GRID2: variants seen among roughly 807,000 people sequenced by gnomAD.
GRID2 encodes glutamate ionotropic receptor delta type subunit 2, also known as glutamate receptor ionotropic, delta-2.
A neutral mutation model predicts 114.8 loss-of-function variants in GRID2; 33 were observed. The observed-to-expected ratio is 0.29, with a 90% CI of 0.22 to 0.38. GRID2 has a LOEUF of 0.38. Among genes scored for constraint, GRID2 ranks in the 10% least tolerant of loss-of-function variants. The pLI is 1.00. For synonymous variants in GRID2, 505 were observed against 449.9 expected, an observed-to-expected ratio of 1.12 and a Z score of -1.55; for missense variants, 1,184 against 1,257.7, an observed-to-expected ratio of 0.94 and a Z score of 0.89.
chr4:93,368,063 A>T (rs1762510610), intron 8 of GRID2, among the ~76,000 whole-genome samples: 1 of 152,130 alleles, frequency 6.6e-6, no homozygotes, highest in Non-Finnish European at 1.5e-5. Flanking sequence ...ATGAAGTATC[A>T]ATGCTTAAAG....
At chr4:93,245,530 A>G (rs1052084869) in intron 8 of GRID2, among the ~76,000 whole-genome samples, 1 of 152,206 alleles carries the variant, frequency 6.6e-6, no homozygotes, top group Non-Finnish European at 1.5e-5. Flanking sequence ...TATTCCAAGC[A>G]AAATGGAAAT....
intron 1 of GRID2, among the ~76,000 whole-genome samples, chr4:92,418,873 G>C (rs1437947398): frequency 6.6e-6 from 1 of 151,930 alleles, no homozygotes; most frequent in Non-Finnish European, 1.5e-5. Context: ...ATAATAACAT[G>C]TTGGCCTTTA....
At chr4:93,225,108 C>G (rs1275050366) in intron 7 of GRID2, among the ~76,000 whole-genome samples, 1 of 152,110 alleles carries the variant, frequency 6.6e-6, no homozygotes, top group African/African-American at 2.4e-5. Flanking sequence ...ACGCCATCCA[C>G]TAAAAAAATT....
chr4:92,606,720 A>C (rs936159211), intron 2 of GRID2, among the ~76,000 whole-genome samples: 1 of 151,918 alleles, frequency 6.6e-6, no homozygotes, highest in Non-Finnish European at 1.5e-5. Context: ...TAACCCATTG[A>C]AAAAGAAGCC....
intron 4 of GRID2, among the ~76,000 whole-genome samples, chr4:93,205,115 T>G (rs1181252421): frequency 6.6e-6 from 1 of 152,152 alleles, no homozygotes; most frequent in Non-Finnish European, 1.5e-5. Context: ...TTCTGTTACT[T>G]TTTATTGTTA....
At chr4:93,546,999 TGCCG>T (rs1733285530) in intron 13 of GRID2, among the ~76,000 whole-genome samples, 1 of 152,150 alleles carries the variant, frequency 6.6e-6, no homozygotes, top group Non-Finnish European at 1.5e-5. Flanking sequence ...TTTCTAATTT[TGCCG>T]TCAACAAAGC....
intron 2 of GRID2, among the ~76,000 whole-genome samples, chr4:92,926,029 A>G (rs1484619413): frequency 2.0e-5 from 3 of 152,052 alleles, no homozygotes; most frequent in Non-Finnish European, 4.4e-5. Context: ...TGCAACATCA[A>G]CAGTTGTCTG....
Position 93,625,040 on chromosome 4 carries a change from A to ATTAATTTAGAAGGACACAGGACAGTG in GRID2, c.2194-1205_2194-1204insTGTTAATTTAGAAGGACACAGGACAG, listed in dbSNP as rs1294820083. ...ATCCATAGGCCACATGTGACAATAG[A>ATTAATTTAGAAGGACACAGGACAGTG]TTAATTTAGAAGGACACAGGACAGG... On this transcript the variant is annotated intron_variant, in intron 13 of 15. Transcript: ENST00000282020. Among the ~76,000 whole-genome samples, 6 of 152,356 alleles carry ATTAATTTAGAAGGACACAGGACAGTG rather than the reference A, an allele frequency of 3.9e-5. No homozygotes were observed. In the East Asian group the frequency reaches 1.2e-3, roughly 29 times the overall value.
chr4:92,787,882 G>C (rs868842117), intron 2 of GRID2, among the ~76,000 whole-genome samples: 2 of 151,796 alleles, frequency 1.3e-5, no homozygotes, highest in Non-Finnish European at 2.9e-5. Flanking sequence ...AGTGTCATCA[G>C]GATTGTCTGA....
chr4:93,696,420 ACT>A (rs1160775799), intron 14 of GRID2, among the ~76,000 whole-genome samples: 1 of 151,914 alleles, frequency 6.6e-6, no homozygotes, highest in Non-Finnish European at 1.5e-5. Context: ...CTCACTCAAT[ACT>A]CTCTTTCCAG....
In GRID2 at chr4:93,178,380, ATTTTTTTT is replaced by A. The variant is rs11428288; in HGVS notation, c.736-29001_736-28994del. Among the ~76,000 whole-genome samples the A allele has an allele frequency of 7.0e-4, 35 of 50,330 alleles. No individual in the cohort carries two copies. In the East Asian group the frequency reaches 8.3e-3, roughly 12 times the overall value. 33.0% of individuals were successfully genotyped at this position (50,330 alleles called of 152,430 possible). The stretch of plus-strand genomic sequence containing the variant: ...CTTATATTGTTTTCCTTGAAAATAG[ATTTTTTTT>A]TTTTTTTTTTTTTTTTTTTTTTCCA... On this transcript the variant is annotated intron_variant, in intron 4 of 15. Coordinates refer to ENST00000282020, the MANE Select transcript of GRID2 (RefSeq NM_001510.4).
chr4:93,673,025 A>G (rs574614419), intron 14 of GRID2, among the ~76,000 whole-genome samples: 1 of 152,300 alleles, frequency 6.6e-6, no homozygotes, highest in South Asian at 2.1e-4. Flanking sequence ...TCAGCGGTAG[A>G]ACCAATTTAA....
intron 14 of GRID2, among the ~76,000 whole-genome samples, chr4:93,651,172 T>C (rs1722547579): frequency 1.3e-5 from 2 of 152,334 alleles, no homozygotes; most frequent in East Asian, 1.9e-4. Flanking sequence ...GAGTTTCTCA[T>C]ATCTTTTGTC....
At chr4:93,533,354 CCCTT>C (rs1401360085) in intron 13 of GRID2, among the ~76,000 whole-genome samples, 2 of 132,694 alleles carry the variant, frequency 1.5e-5, no homozygotes, top group Non-Finnish European at 3.2e-5. Flanking sequence ...CTCCCTCCCT[CCCTT>C]CCTTACTTCT....
At chr4:92,723,617 T>A (rs1269091807) in intron 2 of GRID2, among the ~76,000 whole-genome samples, 1 of 152,164 alleles carries the variant, frequency 6.6e-6, no homozygotes, top group Non-Finnish European at 1.5e-5. Context: ...ACTTCTTTAT[T>A]TTAAAAAGAA....
intron 13 of GRID2, among the ~76,000 whole-genome samples, chr4:93,542,299 A>G (rs530335764): frequency 1.4e-4 from 21 of 152,250 alleles, no homozygotes; most frequent in African/African-American, 4.8e-4. Context: ...TCCTGTACCC[A>G]GCCTTTGATG....
At chr4:93,005,845 A>T (rs1239106085) in intron 2 of GRID2, among the ~76,000 whole-genome samples, 2 of 152,100 alleles carry the variant, frequency 1.3e-5, no homozygotes, top group African/African-American at 2.4e-5. Context: ...GAATGGTTAA[A>T]TCCATAGATA....
chr4:93,078,735 ATATAC>A, intron 2 of GRID2, among the ~76,000 whole-genome samples: 2 of 140,340 alleles, frequency 1.4e-5, no homozygotes, highest in African/African-American at 5.0e-5. Context: ...AATTATATTT[ATATAC>A]TGTATATACT....
At chr4:93,052,469 G>T (rs1406551455) in intron 2 of GRID2, among the ~76,000 whole-genome samples, 3 of 151,974 alleles carry the variant, frequency 2.0e-5, no homozygotes, top group African/African-American at 7.2e-5. Flanking sequence ...ATATGGTGGA[G>T]ACTATTATTC....
Sources: gnomAD v4.1 joint callset for allele counts (sites outside exome capture counted in the v4.1 genomes callset) on GRCh38, gnomAD v4.1.1 for gene constraint, MANE v1.5 for transcripts, NCBI Gene and HGNC (gene_info 2026-07-23, HGNC 2026-07-21) for gene names.